DGLUCY: variants seen among roughly 807,000 people sequenced by gnomAD.
DGLUCY encodes D-glutamate cyclase, also known as D-glutamate cyclase, mitochondrial.
In DGLUCY, 58 loss-of-function variants were observed where a neutral mutation model predicts 58.5. The observed-to-expected ratio is 0.99, with a 90% confidence interval of 0.80 to 1.23. DGLUCY has a LOEUF of 1.23. Ranked by LOEUF, DGLUCY falls within the 50% of genes most tolerant of loss-of-function variation. The probability of loss-of-function intolerance (pLI) is 0.00; values close to 1 mark genes in which losing one functional copy is unlikely to be tolerated. For synonymous variants in DGLUCY, 325 were observed against 314.1 expected, an observed-to-expected ratio of 1.03 and a Z score of -0.37; for missense variants, 779 against 784.7, an observed-to-expected ratio of 0.99 and a Z score of 0.09.
chr14:91,135,522 TGCCTATAATCCCAGCTACTCGGGAG>T (rs1017344548), intron 1 of DGLUCY, among the ~76,000 whole-genome samples: 12 of 151,902 alleles, frequency 7.9e-5, no homozygotes, highest in Non-Finnish European at 1.5e-4. Flanking sequence ...TGGTGGCGCA[TGCCTATAATCCCAGCTACTCGGGAG>T]GCTGAGGCAG....
chr14:91,157,759 C>G (rs947136455), intron 2 of DGLUCY, 69 bp downstream of exon 2: 1 of 152,158 alleles, frequency 6.6e-6, no homozygotes, highest in Non-Finnish European at 1.5e-5. Context: ...CTGGCACACT[C>G]CCAGCATGCA....
chr14:91,080,288 A>G (rs1056111659), intron 1 of DGLUCY, among the ~76,000 whole-genome samples: 44 of 152,324 alleles, frequency 2.9e-4, no homozygotes, highest in Admixed American at 2.6e-4. Flanking sequence ...TCTGCTTTCA[A>G]TTCTTGTGGG....
intron 1 of DGLUCY, among the ~76,000 whole-genome samples, chr14:91,066,602 C>T (rs770196754): frequency 4.6e-5 from 7 of 151,870 alleles, no homozygotes; most frequent in Non-Finnish European, 8.8e-5. Flanking sequence ...GAATCCAGCC[C>T]GGGCACATAG....
chr14:91,161,928 G>A (rs556240964), intron 3 of DGLUCY, among the ~76,000 whole-genome samples: 10 of 151,590 alleles, frequency 6.6e-5, no homozygotes, highest in Admixed American at 2.0e-4. Flanking sequence ...TGTTATATAC[G>A]AGCAGCGAAC....
chr14:91,173,528 T>C, intron 6 of DGLUCY, 89 bp downstream of exon 6: 4 of 1,438,960 alleles, frequency 2.8e-6, no homozygotes, highest in South Asian at 1.5e-5. Flanking sequence ...GATCCCCCTG[T>C]TCACATCGGC....
intron 1 of DGLUCY, among the ~76,000 whole-genome samples, chr14:91,079,546 G>A (rs1051600455): frequency 4.6e-5 from 7 of 151,902 alleles, no homozygotes; most frequent in Non-Finnish European, 1.0e-4. Context: ...TAGAGACGGG[G>A]TTTCGCCATA....
At chr14:91,106,822 G>T (rs1199040379), upstream of DGLUCY, among the ~76,000 whole-genome samples, 1 of 152,148 alleles carries the variant, frequency 6.6e-6, no homozygotes, top group East Asian at 1.9e-4. Context: ...AGGCTGTAAT[G>T]AAGTGTCTGC....
upstream of DGLUCY, among the ~76,000 whole-genome samples, chr14:91,113,175 C>G (rs1297124512): frequency 6.6e-6 from 1 of 152,108 alleles, no homozygotes; most frequent in Non-Finnish European, 1.5e-5. Flanking sequence ...TGGCGCACAC[C>G]TGTATTCCCA....
intron 1 of DGLUCY, among the ~76,000 whole-genome samples, chr14:91,081,820 AACCTCC>A (rs1221704839): frequency 6.6e-6 from 1 of 151,876 alleles, no homozygotes; most frequent in African/African-American, 2.4e-5. Context: ...CAGCCCATGC[AACCTCC>A]ACCTCCCATG....
intron 1 of DGLUCY, among the ~76,000 whole-genome samples, chr14:91,068,111 A>ACACACACACACACACC: frequency 1.4e-5 from 2 of 145,596 alleles, no homozygotes; most frequent in Non-Finnish European, 2.9e-5. Flanking sequence ...ACACACACAC[A>ACACACACACACACACC]CACACCCCTT....
intron 1 of DGLUCY, among the ~76,000 whole-genome samples, chr14:91,093,248 G>A (rs937880213): frequency 7.9e-5 from 12 of 152,128 alleles, no homozygotes; most frequent in East Asian, 7.7e-4. Flanking sequence ...GCTTTTGGTC[G>A]CTTTACATGT....
At chr14:91,210,724 G>A (rs1004184701) in intron 12 of DGLUCY, among the ~76,000 whole-genome samples, 9 of 152,072 alleles carry the variant, frequency 5.9e-5, no homozygotes, top group East Asian at 1.9e-4. Context: ...TCCTGAACTC[G>A]ATAAAGAACA....
intron 1 of DGLUCY, among the ~76,000 whole-genome samples, chr14:91,127,960 CT>C (rs1197620294): frequency 6.0e-5 from 9 of 151,174 alleles, no homozygotes; most frequent in Non-Finnish European, 1.2e-4. Flanking sequence ...AATTTCCAGC[CT>C]CATTGAGCAT....
intron 1 of DGLUCY, among the ~76,000 whole-genome samples, chr14:91,133,226 T>G (rs1030464681): frequency 3.3e-5 from 5 of 151,608 alleles, no homozygotes; most frequent in African/African-American, 9.7e-5. Flanking sequence ...ACCCGGGAGG[T>G]GGAGGTTGCA....
intron 1 of DGLUCY, among the ~76,000 whole-genome samples, chr14:91,097,750 T>A (rs192679040): frequency 4.6e-5 from 7 of 150,970 alleles, no homozygotes; most frequent in South Asian, 2.2e-4. Flanking sequence ...CTTGGCTCAC[T>A]GCAACCTCCA....
chr14:91,163,648 A>T (rs796512116), intron 3 of DGLUCY, among the ~76,000 whole-genome samples: 7 of 152,280 alleles, frequency 4.6e-5, no homozygotes, highest in African/African-American at 1.7e-4. Context: ...CCTGCAGCCC[A>T]GCAGAGGCCA....
upstream of DGLUCY, among the ~76,000 whole-genome samples, chr14:91,113,374 G>A (rs1274085408): frequency 2.0e-5 from 3 of 152,190 alleles, no homozygotes; most frequent in East Asian, 5.8e-4. Context: ...TTGTCCAAGG[G>A]TCAATTGTAT....
At chr14:91,096,688 C>T (rs2044400498) in intron 1 of DGLUCY, among the ~76,000 whole-genome samples, 2 of 152,162 alleles carry the variant, frequency 1.3e-5, no homozygotes, top group Non-Finnish European at 2.9e-5. Context: ...CCTGCCCACC[C>T]CCCTGGCTTG....
chr14:91,224,774 C>T lies in DGLUCY; in HGVS notation c.1807C>T (p.His603Tyr), dbSNP rs1246259506. 6.2e-7 allele frequency: 1 copy of T among 1,613,676 alleles called. No homozygotes were observed. Among genetic ancestry groups the T allele is most frequent in the South Asian group, 1.1e-5 (1 of 91,028 alleles). The part of the protein sequence containing the change: ...VGMEVDGLPF[H>Y]NTHAEMIQKL... ...CATGGAGGTGGATGGGCTGCCCTTC[C>T]ACAACACCCACGCCGAGATGATCCA... The change falls in exon 14 of 14, where the codon CAC becomes TAC. Residue 603 changes from histidine (H) to tyrosine (Y), a missense_variant. Transcript: ENST00000256324.
Sources: allele counts gnomAD v4.1 joint callset (sites outside exome capture counted in the v4.1 genomes callset), GRCh38; gene constraint gnomAD v4.1.1; transcripts MANE v1.5; gene names NCBI Gene and HGNC (gene_info 2026-07-23, HGNC 2026-07-21).